The following PTCD1 variants were observed in gnomAD, a reference collection of about 807,000 sequenced individuals.
The protein encoded by PTCD1 is pentatricopeptide repeat-containing protein 1, mitochondrial.
Under a neutral mutation model 53.4 loss-of-function variants are expected in PTCD1, and 50 were observed. The observed-to-expected ratio is 0.94, with a 90% CI of 0.75 to 1.19. The LOEUF is 1.19. PTCD1 is among the 50% of genes most tolerant of loss of function. The pLI is 0.00. For synonymous variants in PTCD1, 413 were observed against 394.8 expected (o/e 1.05, Z -0.55); for missense variants, 918 against 904.8 (o/e 1.01, Z -0.19).
rs1412204128 is a variant in PTCD1, at chr7:99,418,689, C to CT, written c.*1277dup. ...GCAGAGTGGCAGAAGCCCCCTTCCT[C>CT]TGAGTGCCCAGATTCCACAAGGAGT... On this transcript the variant is annotated 3_prime_UTR_variant, in exon 8 of 8. Coordinates refer to ENST00000292478, the MANE Select transcript of PTCD1 (RefSeq NM_015545.4). 4.6e-5 allele frequency: 7 copies of CT among 152,462 alleles called. No homozygotes were observed. The highest frequency in any genetic ancestry group is 1.7e-4 in the African/African-American group (7 of 41,450). The allele number at this position is 152,462 out of a possible 1,614,324, so 9.4% of individuals were successfully genotyped here.
rs188296795 is a variant in PTCD1, at chr7:99,417,408, C to A, written c.*2559G>T. Reference sequence around the variant, plus strand: ...GGTTTTTAGACCATGGCCTGATGCTCTTTCCCCATCTTTTTGACAGAACTC... The same window carrying A: ...GGTTTTTAGACCATGGCCTGATGCTATTTCCCCATCTTTTTGACAGAACTC... On this transcript the variant is annotated 3_prime_UTR_variant, in exon 8 of 8. Transcript: ENST00000292478. 1.3e-4 allele frequency: 210 copies of A among 1,612,544 alleles called. No homozygotes were observed. In the Middle Eastern group the frequency reaches 2.0e-3, roughly 15 times the overall value.
rs1325062888 is a variant in PTCD1 at position 99,418,029 on chromosome 7, G to A, written c.*1938C>T. On this transcript the variant is annotated 3_prime_UTR_variant, in exon 8 of 8. Coordinates refer to ENST00000292478, the MANE Select transcript of PTCD1 (RefSeq NM_015545.4). Reference sequence around the variant, plus strand: ...GTCGCCCAGGCTGGAGTGCAGTGATGCCATCTTGGCTCACTGCAACCTCCA... The same window carrying A: ...GTCGCCCAGGCTGGAGTGCAGTGATACCATCTTGGCTCACTGCAACCTCCA... The A allele has an allele frequency of 7.2e-6, 8 of 1,112,648 alleles. No individual in the cohort carries two copies. Among genetic ancestry groups the A allele is most frequent in the East Asian group, 1.5e-4 (2 of 12,960 alleles). The allele number at this position is 1,112,648 out of a possible 1,614,324, so 68.9% of individuals were successfully genotyped here. A position where few individuals can be genotyped will look rare whatever the true frequency, so the allele number is the denominator to read the frequency against.
At chr7:99,422,871 C>T (rs548489369) in intron 7 of PTCD1, among the ~76,000 whole-genome samples, 17 of 152,128 alleles carry the variant, frequency 1.1e-4, no homozygotes, top group Non-Finnish European at 1.9e-4. Context: ...ACACCTGGTC[C>T]AACTAATCTT....
At position 99,429,664 on chromosome 7, in the gene PTCD1, T is replaced by C. The variant is rs1298995003; in HGVS notation, c.737A>G (p.Asn246Ser). 6.2e-7 allele frequency: 1 copy of C among 1,614,184 alleles called. No individual in the cohort carries two copies. Among genetic ancestry groups the C allele is most frequent in the Admixed American group, 1.7e-5 (1 of 60,022 alleles). The change falls in exon 4 of 8, where the codon AAC becomes AGC. Residue 246 changes from asparagine (N) to serine (S), a missense_variant. Asn to Ser is a conservative substitution (Grantham distance 46). Coordinates refer to ENST00000292478, the MANE Select transcript of PTCD1 (RefSeq NM_015545.4). ...QQLQAKNFEL[N>S]LKTYHALLKM... ...CAGCAGCGCGTGGTATGTTTTCAAG[T>C]TGAGCTCGAAGTTTTTGGCCTGCAG...
intron 5 of PTCD1, among the ~76,000 whole-genome samples, chr7:99,427,866 T>C (rs796237317): frequency 0.018 from 2,727 of 150,658 alleles, 86 homozygotes; most frequent in African/African-American, 0.064. Context: ...GGATTAAGGG[T>C]GGTGCAAGAT....
Position 99,438,743 on chromosome 7 carries a change from C to T in PTCD1, c.-78G>A, listed in dbSNP as rs1226418031. The stretch of plus-strand genomic sequence containing the variant: ...GACGGGGAGCCCTGCCCGGTCCCCG[C>T]GGCGAACCAGTCTCTTCCTCGGGTC... On this transcript the variant is annotated 5_prime_UTR_variant, in exon 1 of 8. Coordinates refer to ENST00000292478, the MANE Select transcript of PTCD1 (RefSeq NM_015545.4). The T allele has an allele frequency of 7.6e-7, 1 of 1,318,226 alleles. No homozygotes were observed. 81.7% of individuals were successfully genotyped at this position (1,318,226 alleles called of 1,614,324 possible). A position where few individuals can be genotyped will look rare whatever the true frequency, so the allele number is the denominator to read the frequency against.
chr7:99,419,373 T>C lies in PTCD1; in HGVS notation c.*594A>G, dbSNP rs943465630. 2.5e-6 allele frequency: 4 copies of C among 1,612,800 alleles called. No individual in the cohort carries two copies. Among genetic ancestry groups the C allele is most frequent in the Admixed American group, 3.3e-5 (2 of 59,990 alleles). On this transcript the variant is annotated 3_prime_UTR_variant, in exon 8 of 8. Transcript: ENST00000292478. ...GCGTGGCGCAGTGGCATCGTCTCACTGTCCTCCTCCGTTGCAGGGCCGCAT... is the reference window on the plus strand; with the variant it reads ...GCGTGGCGCAGTGGCATCGTCTCACCGTCCTCCTCCGTTGCAGGGCCGCAT...
Position 99,418,966 on chromosome 7 carries a change from T to G in PTCD1, c.*1001A>C. On this transcript the variant is annotated 3_prime_UTR_variant, in exon 8 of 8. Coordinates refer to ENST00000292478, the MANE Select transcript of PTCD1 (RefSeq NM_015545.4). ...TCTGGGGGGCTCTGGGCCAGAAGGGTGTGACTCAAGTGCATAGTCTCCTGC... is the reference window on the plus strand; with the variant it reads ...TCTGGGGGGCTCTGGGCCAGAAGGGGGTGACTCAAGTGCATAGTCTCCTGC... The G allele has an allele frequency of 1.1e-5, 2 of 180,644 alleles. No homozygotes were observed. The highest frequency in any genetic ancestry group is 2.3e-5 in the Non-Finnish European group (2 of 85,452). The allele number at this position is 180,644 out of a possible 1,614,324, so 11.2% of individuals were successfully genotyped here.
intron 7 of PTCD1, among the ~76,000 whole-genome samples, chr7:99,420,647 GC>G (rs1795763157): frequency 6.6e-6 from 1 of 152,218 alleles, no homozygotes; most frequent in Admixed American, 6.5e-5. Flanking sequence ...CCAACATACA[GC>G]TACTACCACA....
chr7:99,434,294 A>G (rs1796371797), intron 2 of PTCD1, among the ~76,000 whole-genome samples: 1 of 151,936 alleles, frequency 6.6e-6, no homozygotes, highest in African/African-American at 2.4e-5. Context: ...AAAAATACAA[A>G]AATTGGCCAG....
At chr7:99,422,753 T>C (rs1049420537) in intron 7 of PTCD1, among the ~76,000 whole-genome samples, 1 of 152,204 alleles carries the variant, frequency 6.6e-6, no homozygotes, top group African/African-American at 2.4e-5. Flanking sequence ...TTCCCTTCTT[T>C]GTTGCCATGT....
In PTCD1 at chr7:99,418,100, T is replaced by C. The variant is rs1312902929; in HGVS notation, c.*1867A>G. 1.1e-5 allele frequency: 6 copies of C among 565,896 alleles called. No homozygotes were observed. Among genetic ancestry groups the C allele is most frequent in the African/African-American group, 4.1e-5 (2 of 48,620 alleles). 35.1% of individuals were successfully genotyped at this position (565,896 alleles called of 1,614,324 possible). A position where few individuals can be genotyped will look rare whatever the true frequency, so the allele number is the denominator to read the frequency against. On this transcript the variant is annotated 3_prime_UTR_variant, in exon 8 of 8. Transcript: ENST00000292478. ...CTCCTGCCTCATCCTCCTGAGTAGC[T>C]GGGACTACAGGCATGCACCACCACG...
intron 5 of PTCD1, 78 bp from the exon 6 acceptor site, chr7:99,425,694 C>T: frequency 6.5e-7 from 1 of 1,529,108 alleles, no homozygotes; most frequent in Non-Finnish European, 8.8e-7. Flanking sequence ...GGAATCCCAG[C>T]ACCTTGGGAG....
At chr7:99,421,383 G>A (rs891392029) in intron 7 of PTCD1, among the ~76,000 whole-genome samples, 3 of 147,790 alleles carry the variant, frequency 2.0e-5, no homozygotes, top group African/African-American at 5.0e-5. Context: ...AGCCATAATC[G>A]TGCCACTGCA....
At position 99,417,456 on chromosome 7, in the gene PTCD1, G is replaced by C. The variant is rs1248238907; in HGVS notation, c.*2511C>G. ...CTCTATGAATATTGTATTAAAGAAG[G>C]CTATGCAGACAAAAACCTGATTGCA... On this transcript the variant is annotated 3_prime_UTR_variant, in exon 8 of 8. Coordinates refer to ENST00000292478, the MANE Select transcript of PTCD1 (RefSeq NM_015545.4). 3 of 1,613,644 alleles carry C rather than the reference G, an allele frequency of 1.9e-6. No homozygotes were observed. In the South Asian group the frequency reaches 3.3e-5, roughly 18 times the overall value.
intron 7 of PTCD1, 97 bp downstream of exon 7, chr7:99,423,678 C>T (rs1200600942): frequency 1.3e-6 from 2 of 1,594,244 alleles, no homozygotes; most frequent in Non-Finnish European, 1.7e-6. Context: ...TCAAGCATGG[C>T]AACACAATCC....
chr7:99,427,319 C>A (rs1408846939), intron 5 of PTCD1, among the ~76,000 whole-genome samples: 2 of 149,110 alleles, frequency 1.3e-5, no homozygotes, highest in Non-Finnish European at 3.0e-5. Flanking sequence ...GGGTCAGCCC[C>A]CCGCCCGGCC....
rs551207877 is a variant in PTCD1 at position 99,437,322 on chromosome 7, TTC to T, written c.-27+1368_-27+1369del. The stretch of plus-strand genomic sequence containing the variant: ...AGACCCTATCATAATTTCTTTTCTT[TTC>T]TTTTTTTTTTTTTGAGACAGTCTCT... On this transcript the variant is annotated intron_variant, in intron 1 of 7. Coordinates refer to ENST00000292478, the MANE Select transcript of PTCD1 (RefSeq NM_015545.4). Among the ~76,000 whole-genome samples, 775 of 152,112 alleles carry T rather than the reference TTC, an allele frequency of 5.1e-3. 5 individuals carry two copies. The highest frequency in any genetic ancestry group is 0.018 in the African/African-American group (742 of 41,438).
At chr7:99,438,489 C>T (rs1255675433) in intron 1 of PTCD1, 2 of 1,094,094 alleles carry the variant, frequency 1.8e-6, no homozygotes, top group Non-Finnish European at 2.2e-6. Context: ...CTGCGGCCGT[C>T]CTTCCTCGGA....
Sources: allele counts gnomAD v4.1 joint callset (sites outside exome capture counted in the v4.1 genomes callset), GRCh38; gene constraint gnomAD v4.1.1; transcripts MANE v1.5; gene names NCBI Gene and HGNC (gene_info 2026-07-23, HGNC 2026-07-21).